The following HS3ST3A1 variants were observed in gnomAD, a reference collection of about 807,000 sequenced individuals.
HS3ST3A1 encodes heparan sulfate-glucosamine 3-sulfotransferase 3A1, also known as heparan sulfate glucosamine 3-O-sulfotransferase 3A1.
Under a neutral mutation model 25.7 loss-of-function variants are expected in HS3ST3A1, and 19 were observed. The ratio of observed to expected loss-of-function variants is 0.74; its 90% CI spans 0.52 to 1.08. HS3ST3A1 has a LOEUF of 1.08. Ranked by LOEUF, HS3ST3A1 falls within the 50% of genes least tolerant of loss-of-function variation. The probability of loss-of-function intolerance (pLI) is 0.00; values close to 1 mark genes in which losing one functional copy is unlikely to be tolerated. For missense variants in HS3ST3A1, 459 were observed against 594.3 expected, an observed-to-expected ratio of 0.77 and a Z score of 2.37; for synonymous variants, 226 against 278.6, an observed-to-expected ratio of 0.81 and a Z score of 1.88.
chr17:13,521,305 G>A (rs1906229383), intron 1 of HS3ST3A1, among the ~76,000 whole-genome samples: 1 of 152,220 alleles, frequency 6.6e-6, no homozygotes, highest in African/African-American at 2.4e-5. Flanking sequence ...AGATGTGTCA[G>A]CCCTTCCAAA....
intron 1 of HS3ST3A1, among the ~76,000 whole-genome samples, chr17:13,588,628 C>T (rs1171729522): frequency 6.6e-6 from 1 of 152,080 alleles, no homozygotes; most frequent in African/African-American, 2.4e-5. Flanking sequence ...CAAGACAATA[C>T]TTGTCTTTCT....
intron 1 of HS3ST3A1, among the ~76,000 whole-genome samples, chr17:13,512,556 T>C (rs1487260818): frequency 6.6e-6 from 1 of 152,140 alleles, no homozygotes; most frequent in East Asian, 1.9e-4. Context: ...CATTTGCAAA[T>C]GTATCCTCTC....
chr17:13,573,657 A>G (rs1270669501), intron 1 of HS3ST3A1, among the ~76,000 whole-genome samples: 1 of 152,076 alleles, frequency 6.6e-6, no homozygotes, highest in East Asian at 1.9e-4. Flanking sequence ...CTCACAATCA[A>G]CATGTGACTG....
chr17:13,584,179 T>G (rs1373473684), intron 1 of HS3ST3A1, among the ~76,000 whole-genome samples: 1 of 152,202 alleles, frequency 6.6e-6, no homozygotes, highest in Non-Finnish European at 1.5e-5. Context: ...CATTCTCTGA[T>G]GAAATCTTCA....
intron 1 of HS3ST3A1, among the ~76,000 whole-genome samples, chr17:13,586,685 G>T (rs1013771509): frequency 4.0e-5 from 6 of 150,990 alleles, no homozygotes; most frequent in South Asian, 2.1e-4. Context: ...GGCTAACACG[G>T]TGAAACCCCG....
At position 13,495,286 on chromosome 17, in the gene HS3ST3A1, C is replaced by T. The variant is rs551550951; in HGVS notation, c.*911G>A. On this transcript the variant is annotated 3_prime_UTR_variant, in exon 2 of 2. Coordinates refer to ENST00000284110, the MANE Select transcript of HS3ST3A1 (RefSeq NM_006042.3). ...CTCTCCAATTCAATCAAGCATTCAT[C>T]AGTCAAGATTTCCATATCTCAGTGT... Among the ~76,000 whole-genome samples, 1 of 152,260 alleles carries T rather than the reference C, an allele frequency of 6.6e-6. No individual in the cohort carries two copies. Among genetic ancestry groups the T allele is most frequent in the South Asian group, 2.1e-4 (1 of 4,822 alleles).
At chr17:13,565,875 C>T (rs1313361609) in intron 1 of HS3ST3A1, among the ~76,000 whole-genome samples, 4 of 152,200 alleles carry the variant, frequency 2.6e-5, no homozygotes, top group Non-Finnish European at 5.9e-5. Flanking sequence ...TTATTAAATG[C>T]ATTTTGGACC....
chr17:13,498,944 T>TC (rs1905368538), intron 1 of HS3ST3A1, among the ~76,000 whole-genome samples: 5 of 124,352 alleles, frequency 4.0e-5, no homozygotes, highest in Admixed American at 9.3e-5. Flanking sequence ...CTCCTATTTT[T>TC]GTTTTTTTTT....
At chr17:13,524,467 A>G (rs1306638936) in intron 1 of HS3ST3A1, among the ~76,000 whole-genome samples, 2 of 152,066 alleles carry the variant, frequency 1.3e-5, no homozygotes, top group Non-Finnish European at 2.9e-5. Context: ...CACGTTGCCC[A>G]GGGGGAGGAC....
chr17:13,574,314 T>C (rs2142375914), intron 1 of HS3ST3A1, among the ~76,000 whole-genome samples: 1 of 151,776 alleles, frequency 6.6e-6, no homozygotes, highest in Middle Eastern at 3.4e-3. Context: ...TTTGTGTTTT[T>C]AGTAGAGACG....
chr17:13,581,219 T>C (rs990628569), intron 1 of HS3ST3A1, among the ~76,000 whole-genome samples: 7 of 152,150 alleles, frequency 4.6e-5, no homozygotes, highest in Non-Finnish European at 7.4e-5. Context: ...ATACACATAA[T>C]AGTAGAAGCT....
intron 1 of HS3ST3A1, among the ~76,000 whole-genome samples, chr17:13,536,451 CA>C (rs1421936300): frequency 6.6e-6 from 1 of 152,190 alleles, no homozygotes; most frequent in East Asian, 1.9e-4. Flanking sequence ...TTCTGCTCCC[CA>C]TCTCCTGGGT....
intron 1 of HS3ST3A1, among the ~76,000 whole-genome samples, chr17:13,572,915 C>T (rs905598948): frequency 1.3e-5 from 2 of 152,182 alleles, no homozygotes; most frequent in African/African-American, 2.4e-5. Context: ...TGACCCTTTT[C>T]CGCCACAAGA....
In HS3ST3A1 at chr17:13,600,726, T is replaced by C. The variant is rs749302965; in HGVS notation, c.404A>G (p.Glu135Gly). The change falls in exon 1 of 2, where the codon GAG (glutamate) becomes GGG (glycine). Residue 135 changes from glutamate (E) to glycine (G), a missense_variant. Glu to Gly is a moderately conservative substitution (Grantham distance 98, BLOSUM62 -2). Coordinates refer to ENST00000284110, the MANE Select transcript of HS3ST3A1 (RefSeq NM_006042.3). The part of the protein sequence containing the change: ...GGSGAGSTVA[E>G]APPGTLALLL... Reference sequence around the variant, plus strand: ...CAGCGCCAGGGTCCCCGGCGGGGCCTCGGCCACGGTGCTTCCGGCCCCGGA... The same window carrying C: ...CAGCGCCAGGGTCCCCGGCGGGGCCCCGGCCACGGTGCTTCCGGCCCCGGA... 14 of 1,544,696 alleles carry C rather than the reference T, an allele frequency of 9.1e-6. No homozygotes were observed. The highest frequency in any genetic ancestry group is 1.1e-5 in the Non-Finnish European group (13 of 1,152,606).
chr17:13,505,396 G>T (rs938257137), intron 1 of HS3ST3A1, among the ~76,000 whole-genome samples: 4 of 152,176 alleles, frequency 2.6e-5, no homozygotes, highest in Admixed American at 1.3e-4. Context: ...AGACCAAAAA[G>T]ATGATGACTT....
At chr17:13,551,644 C>T (rs558155053) in intron 1 of HS3ST3A1, among the ~76,000 whole-genome samples, 4 of 148,994 alleles carry the variant, frequency 2.7e-5, no homozygotes, top group Admixed American at 1.3e-4. Flanking sequence ...GGTATTTTTA[C>T]GTTATTTTGA....
chr17:13,542,199 C>T (rs1906954797), intron 1 of HS3ST3A1, among the ~76,000 whole-genome samples: 2 of 151,896 alleles, frequency 1.3e-5, no homozygotes, highest in South Asian at 4.2e-4. Flanking sequence ...TGGTGGCGTG[C>T]ACCTGCAGTC....
At chr17:13,531,853 C>A (rs1906615322) in intron 1 of HS3ST3A1, among the ~76,000 whole-genome samples, 1 of 152,160 alleles carries the variant, frequency 6.6e-6, no homozygotes, top group Admixed American at 6.5e-5. Context: ...TTCCATTAAA[C>A]CCACTCAGGA....
intron 1 of HS3ST3A1, among the ~76,000 whole-genome samples, chr17:13,530,112 G>A (rs1048268630): frequency 1.3e-5 from 2 of 151,914 alleles, no homozygotes; most frequent in Non-Finnish European, 2.9e-5. Context: ...AAGAAGAAAT[G>A]CCCCCTTTTC....
Sources: gnomAD v4.1 joint callset for allele counts (sites outside exome capture counted in the v4.1 genomes callset) on GRCh38, gnomAD v4.1.1 for gene constraint, MANE v1.5 for transcripts, NCBI Gene and HGNC (gene_info 2026-07-23, HGNC 2026-07-21) for gene names.